ABCB4: variants seen among roughly 807,000 people sequenced by gnomAD.
The protein encoded by ABCB4 is ATP binding cassette subfamily B member 4, also known as phosphatidylcholine translocator ABCB4.
ABCB4 carries 76 observed loss-of-function variants against 145.7 expected under a neutral mutation model. That is an observed-to-expected ratio of 0.52 (90% CI 0.43 to 0.63). The LOEUF is 0.63. Among genes scored for constraint, ABCB4 ranks in the 30% least tolerant of loss-of-function variants. The pLI, the probability that ABCB4 is intolerant of heterozygous loss-of-function variation, is 0.00. For synonymous variants in ABCB4, 517 were observed against 566.8 expected (o/e 0.91, Z 1.25); for missense variants, 1,234 against 1,553.1 (o/e 0.79, Z 3.45).
intron 8 of ABCB4, 39 bp downstream of exon 8, chr7:87,449,929 A>C: frequency 6.2e-7 from 1 of 1,613,996 alleles, no homozygotes; most frequent in Non-Finnish European, 8.5e-7. Flanking sequence ...AAATGTAAAA[A>C]CACATTCCTT....
In ABCB4 at chr7:87,474,066, G is replaced by C. The variant is rs573631634; in HGVS notation, c.80+1320C>G. Among the ~76,000 whole-genome samples, 214 of 152,260 alleles carry C rather than the reference G, an allele frequency of 1.4e-3. No homozygotes were observed. In the Middle Eastern group the frequency reaches 0.017, roughly 12 times the overall value. On this transcript the variant is annotated intron_variant, in intron 2 of 27. Coordinates refer to ENST00000649586, the MANE Select transcript of ABCB4 (RefSeq NM_000443.4). The stretch of plus-strand genomic sequence containing the variant: ...GGTCTTAACTTATTGTTAACTTTCT[G>C]TATTTCTCTTTTGAGCTGCTTTCTT...
intron 16 of ABCB4, 56 bp from the exon 17 acceptor site, chr7:87,424,108 T>C: frequency 2.5e-6 from 4 of 1,612,234 alleles, no homozygotes; most frequent in East Asian, 2.2e-5. Context: ...TACCAGAGTC[T>C]GTAGACATAG....
chr7:87,452,398 T>G (rs1219211054), intron 6 of ABCB4: 3 of 137,578 alleles, frequency 2.2e-5, no homozygotes, highest in African/African-American at 6.4e-5. Flanking sequence ...TTTTTTTTTT[T>G]GACTTATTTG....
chr7:87,470,505 G>A (rs1309688737), intron 3 of ABCB4, among the ~76,000 whole-genome samples: 3 of 152,064 alleles, frequency 2.0e-5, no homozygotes, highest in African/African-American at 7.2e-5. Context: ...AATCTACAAA[G>A]AACTCAAACA....
At chr7:87,447,252 C>A (rs1042383108) in intron 8 of ABCB4, 47 bp from the exon 9 acceptor site, 2 of 1,578,396 alleles carry the variant, frequency 1.3e-6, no homozygotes, top group Non-Finnish European at 1.7e-6. Flanking sequence ...GAATAACAAT[C>A]CATAGTCCGA....
the ABCB4 span, chr7:87,392,830 T>C: frequency 1.9e-6 from 3 of 1,611,196 alleles, no homozygotes; most frequent in Non-Finnish European, 2.5e-6. Context: ...AAAGGTAATA[T>C]AGTGTAGTGT....
intron 8 of ABCB4, chr7:87,448,681 C>A (rs949696056): frequency 6.6e-6 from 1 of 152,154 alleles, no homozygotes; most frequent in African/African-American, 2.4e-5. Flanking sequence ...TGAGGTCCAA[C>A]TGAGGGTTAG....
At chr7:87,424,534 A>C (rs1809678293) in intron 16 of ABCB4, among the ~76,000 whole-genome samples, 1 of 152,212 alleles carries the variant, frequency 6.6e-6, no homozygotes, top group African/African-American at 2.4e-5. Context: ...CAAATGTAGG[A>C]AACCATTACT....
intron 16 of ABCB4, 39 bp from the exon 17 acceptor site, chr7:87,424,091 C>G: frequency 6.2e-7 from 1 of 1,613,486 alleles, no homozygotes; most frequent in Non-Finnish European, 8.5e-7. Flanking sequence ...GGTGATGACA[C>G]AACAGTTACC....
In ABCB4 at chr7:87,438,266, G is replaced by A. The variant is rs1471611142; in HGVS notation, c.1731+1401C>T. 2.0e-5 allele frequency among the ~76,000 whole-genome samples: 3 copies of A among 152,088 alleles called. No individual in the cohort carries two copies. The East Asian group carries it at 5.8e-4, about 29-fold the overall frequency. On this transcript the variant is annotated intron_variant, in intron 14 of 27. Coordinates refer to ENST00000649586, the MANE Select transcript of ABCB4 (RefSeq NM_000443.4). ...TTTTAAGTTAGAATAACTTATGCAT[G>A]TATTACTTTATGATGTACTGCTTTA...
At chr7:87,427,996 C>T (rs1208616003) in intron 15 of ABCB4, among the ~76,000 whole-genome samples, 1 of 152,134 alleles carries the variant, frequency 6.6e-6, no homozygotes, top group East Asian at 1.9e-4. Flanking sequence ...TCCTAAAGGG[C>T]AGCTCAAAAT....
intron 7 of ABCB4, 107 bp downstream of exon 7, chr7:87,451,516 C>G (rs780163760): frequency 1.6e-6 from 2 of 1,221,208 alleles, no homozygotes; most frequent in Non-Finnish European, 2.4e-6. Context: ...GTAGTTTCAA[C>G]TGACATTTAA....
At chr7:87,375,661 A>G in the ABCB4 span, 140 of 1,613,494 alleles carry the variant, frequency 8.7e-5, no homozygotes, top group African/African-American at 1.2e-3. Context: ...AAGAAGTGCC[A>G]TAGTGAACCT....
At chr7:87,450,627 C>T (rs1041882561) in intron 7 of ABCB4, among the ~76,000 whole-genome samples, 7 of 152,012 alleles carry the variant, frequency 4.6e-5, no homozygotes, top group South Asian at 2.1e-4. Flanking sequence ...CACACCACCA[C>T]GCCTGGCTAA....
At chr7:87,435,500 C>T (rs537841019) in intron 14 of ABCB4, among the ~76,000 whole-genome samples, 1 of 152,300 alleles carries the variant, frequency 6.6e-6, no homozygotes, top group East Asian at 1.9e-4. Flanking sequence ...GTCTGTTTGC[C>T]ATCTTCGGAT....
chr7:87,470,239 C>A (rs996831359), intron 3 of ABCB4, among the ~76,000 whole-genome samples: 40 of 152,208 alleles, frequency 2.6e-4, no homozygotes, highest in African/African-American at 7.9e-4. Flanking sequence ...TAAAGACTTA[C>A]ATGTTAGACC....
At chr7:87,375,563 C>A in the ABCB4 span, 2 of 1,096,778 alleles carry the variant, frequency 1.8e-6, no homozygotes, top group Non-Finnish European at 2.8e-6. Context: ...AATGTTATGA[C>A]CTTTTAAAGG....
intron 12 of ABCB4, among the ~76,000 whole-genome samples, chr7:87,441,580 CTT>C (rs879830156): frequency 2.1e-5 from 3 of 144,298 alleles, no homozygotes; most frequent in Non-Finnish European, 4.6e-5. Context: ...TATTTTTGTC[CTT>C]TTTTTTTTTT....
At chr7:87,441,525 TATA>T (rs1169102769) in intron 12 of ABCB4, among the ~76,000 whole-genome samples, 1 of 152,010 alleles carries the variant, frequency 6.6e-6, no homozygotes, top group East Asian at 1.9e-4. Flanking sequence ...TAATAATAAA[TATA>T]ATACTTTTTC....
Sources: gnomAD v4.1 joint callset for allele counts (sites outside exome capture counted in the v4.1 genomes callset) on GRCh38, gnomAD v4.1.1 for gene constraint, MANE v1.5 for transcripts, NCBI Gene and HGNC (gene_info 2026-07-23, HGNC 2026-07-21) for gene names.